The following TNFRSF10A variants were observed in gnomAD, a reference collection of about 807,000 sequenced individuals.
TNFRSF10A encodes tumor necrosis factor receptor superfamily member 10A.
Under a neutral mutation model 42.8 loss-of-function variants are expected in TNFRSF10A, and 44 were observed. The observed-to-expected ratio is 1.03, with a 90% confidence interval of 0.81 to 1.32. The LOEUF (loss-of-function observed/expected upper bound fraction) is 1.32, where lower values mean the gene tolerates loss of function less well. Among genes scored for constraint, TNFRSF10A ranks in the 40% most tolerant of loss-of-function variants. The pLI, the probability that TNFRSF10A is intolerant of heterozygous loss-of-function variation, is 0.00. For missense variants in TNFRSF10A, 680 were observed against 602.0 expected (o/e 1.13, Z -1.36); for synonymous variants, 259 against 234.2 (o/e 1.11, Z -0.97).
chr8:23,195,670 T>C (rs1800813551), intron 9 of TNFRSF10A, among the ~76,000 whole-genome samples: 1 of 152,206 alleles, frequency 6.6e-6, no homozygotes, highest in Non-Finnish European at 1.5e-5. Flanking sequence ...AGGCCACGTA[T>C]ATGGAACTAA....
chr8:23,207,911 A>C (rs1293951096), intron 2 of TNFRSF10A, among the ~76,000 whole-genome samples: 1 of 151,980 alleles, frequency 6.6e-6, no homozygotes, highest in East Asian at 1.9e-4. Context: ...AAAAAAAAAA[A>C]AAAAAACTAA....
At chr8:23,218,593 T>C (rs1801215953) in intron 1 of TNFRSF10A, among the ~76,000 whole-genome samples, 1 of 152,140 alleles carries the variant, frequency 6.6e-6, no homozygotes, top group South Asian at 2.1e-4. Context: ...ACTTCTTCTC[T>C]AAACATGTCT....
Position 23,224,881 on chromosome 8 carries a change from G to T in TNFRSF10A, c.181C>A (p.Gln61Lys), listed in dbSNP as rs1400542670. Residue 61 changes from glutamine to lysine, a missense_variant, in exon 1 of 10, where the codon CAG becomes AAG. Gln to Lys is a moderately conservative substitution (Grantham distance 53). Transcript: ENST00000221132. ...GRGALPTSMG[Q>K]HGPSARARAG... is the part of the protein sequence containing the mutation. ...CGGGCCCGGGCACTGGGTCCGTGCT[G>T]TCCCATGGAGGTAGGGAGCGCTCCT... The T allele has an allele frequency of 6.3e-7, 1 of 1,585,184 alleles. No homozygotes were observed. Among genetic ancestry groups the T allele is most frequent in the South Asian group, 1.1e-5 (1 of 87,362 alleles).
chr8:23,215,751 A>G (rs910410462), intron 1 of TNFRSF10A, among the ~76,000 whole-genome samples: 16 of 151,678 alleles, frequency 1.1e-4, no homozygotes, highest in African/African-American at 3.6e-4. Context: ...ATAACATCCC[A>G]TCATTAATTC....
chr8:23,206,989 A>C, intron 2 of TNFRSF10A: 1 of 364,694 alleles, frequency 2.7e-6, no homozygotes, highest in South Asian at 2.7e-5. Context: ...TTTGAAGGCC[A>C]AGAAGGCAGT....
chr8:23,199,865 C>T (rs1302996571), intron 7 of TNFRSF10A, 21 bp downstream of exon 7: 2 of 1,614,062 alleles, frequency 1.2e-6, no homozygotes, highest in Non-Finnish European at 1.7e-6. Flanking sequence ...ATGCCCCCAG[C>T]TCCTGGAGAA....
At chr8:23,203,999 G>C (rs1342818195) in intron 2 of TNFRSF10A, among the ~76,000 whole-genome samples, 1 of 151,954 alleles carries the variant, frequency 6.6e-6, no homozygotes, top group African/African-American at 2.4e-5. Flanking sequence ...GGATGGTCTC[G>C]ATCTCCTGAC....
chr8:23,207,309 T>C (rs1801029292), intron 2 of TNFRSF10A: 4 of 599,126 alleles, frequency 6.7e-6, no homozygotes, highest in Non-Finnish European at 3.2e-6. Flanking sequence ...AGAAGGCATA[T>C]GTTCGACTGG....
At chr8:23,201,412 G>T (rs1800917243) in intron 4 of TNFRSF10A, among the ~76,000 whole-genome samples, 1 of 152,164 alleles carries the variant, frequency 6.6e-6, no homozygotes, top group Non-Finnish European at 1.5e-5. Context: ...TACATTTTAT[G>T]ACTCAATTTG....
chr8:23,206,754 C>A (rs1372867229), intron 2 of TNFRSF10A, among the ~76,000 whole-genome samples: 1 of 151,894 alleles, frequency 6.6e-6, no homozygotes, highest in Non-Finnish European at 1.5e-5. Context: ...GAAACCTGTA[C>A]AACAAAAAAT....
intron 8 of TNFRSF10A, among the ~76,000 whole-genome samples, chr8:23,199,006 C>A (rs1800867610): frequency 6.6e-6 from 1 of 152,234 alleles, no homozygotes; most frequent in Non-Finnish European, 1.5e-5. Flanking sequence ...CTTATTCAGT[C>A]ATCAACAAAC....
chr8:23,211,836 C>T (rs140503901), intron 2 of TNFRSF10A, among the ~76,000 whole-genome samples: 17 of 152,250 alleles, frequency 1.1e-4, no homozygotes, highest in African/African-American at 3.6e-4. Flanking sequence ...TGCAGTTGGA[C>T]GCTTATCTGA....
intron 2 of TNFRSF10A, among the ~76,000 whole-genome samples, chr8:23,207,914 A>T (rs1342365458): frequency 6.6e-6 from 1 of 152,012 alleles, no homozygotes; most frequent in Non-Finnish European, 1.5e-5. Context: ...AAAAAAAAAA[A>T]AAACTAATAC....
intron 1 of TNFRSF10A, among the ~76,000 whole-genome samples, chr8:23,223,570 A>C (rs531499308): frequency 5.3e-5 from 8 of 152,328 alleles, no homozygotes; most frequent in African/African-American, 1.9e-4. Flanking sequence ...TAAAACATAA[A>C]TTCTGTAATT....
At chr8:23,197,447 C>CTAT (rs1289151195) in intron 8 of TNFRSF10A, among the ~76,000 whole-genome samples, 2 of 152,160 alleles carry the variant, frequency 1.3e-5, no homozygotes, top group African/African-American at 2.4e-5. Context: ...AGTGCAAACC[C>CTAT]TATTGTGAAC....
chr8:23,194,402 T>C (rs1800795389), intron 9 of TNFRSF10A, among the ~76,000 whole-genome samples: 1 of 152,242 alleles, frequency 6.6e-6, no homozygotes, highest in South Asian at 2.1e-4. Context: ...AACAGAAGTG[T>C]CTTCAGAATT....
intron 4 of TNFRSF10A, among the ~76,000 whole-genome samples, chr8:23,201,148 C>T (rs1800912198): frequency 6.6e-6 from 1 of 152,214 alleles, no homozygotes; most frequent in Non-Finnish European, 1.5e-5. Context: ...TGAGCCCTCG[C>T]CCCCACCTGT....
At chr8:23,214,419 C>T (rs992128817) in intron 1 of TNFRSF10A, among the ~76,000 whole-genome samples, 2 of 151,256 alleles carry the variant, frequency 1.3e-5, no homozygotes, top group African/African-American at 4.9e-5. Flanking sequence ...ACCTGAGAGA[C>T]GGAGCTTGCA....
chr8:23,201,198 A>G (rs1031499837), intron 4 of TNFRSF10A, among the ~76,000 whole-genome samples: 2 of 152,234 alleles, frequency 1.3e-5, no homozygotes, highest in Non-Finnish European at 2.9e-5. Context: ...CTGGAGGACC[A>G]GAGAAGAGCA....
Sources: allele counts gnomAD v4.1 joint callset (sites outside exome capture counted in the v4.1 genomes callset), GRCh38; gene constraint gnomAD v4.1.1; transcripts MANE v1.5; gene names NCBI Gene and HGNC (gene_info 2026-07-23, HGNC 2026-07-21).